The following ZFYVE9 variants were observed in gnomAD, a reference collection of about 807,000 sequenced individuals.
ZFYVE9 encodes zinc finger FYVE-type containing 9.
A neutral mutation model predicts 126.7 loss-of-function variants in ZFYVE9; 43 were observed. That is an observed-to-expected ratio of 0.34 (90% CI 0.27 to 0.44). The LOEUF (loss-of-function observed/expected upper bound fraction) is 0.44. ZFYVE9 is among the 20% of genes least tolerant of loss of function. ZFYVE9 has a pLI of 1.00. For synonymous variants in ZFYVE9, 521 were observed against 597.4 expected, an observed-to-expected ratio of 0.87 and a Z score of 1.87; for missense variants, 1,476 against 1,697.0, an observed-to-expected ratio of 0.87 and a Z score of 2.29.
chr1:52,184,978 T>TCTATG (rs1644751595), intron 1 of ZFYVE9, among the ~76,000 whole-genome samples: 1 of 152,192 alleles, frequency 6.6e-6, no homozygotes, highest in African/African-American at 2.4e-5. Flanking sequence ...GCATACTGAG[T>TCTATG]CTCTATCTCT....
At chr1:52,246,285 G>C (rs1645382899) in intron 4 of ZFYVE9, among the ~76,000 whole-genome samples, 1 of 152,060 alleles carries the variant, frequency 6.6e-6, no homozygotes, top group South Asian at 2.1e-4. Flanking sequence ...AAAGAAAGAT[G>C]AAAAATATCT....
chr1:52,194,492 T>TA (rs1295883453), intron 1 of ZFYVE9, among the ~76,000 whole-genome samples: 1 of 152,150 alleles, frequency 6.6e-6, no homozygotes, highest in Non-Finnish European at 1.5e-5. Context: ...AAGATATAAA[T>TA]AGATGTTTAG....
intron 4 of ZFYVE9, among the ~76,000 whole-genome samples, chr1:52,240,027 C>T (rs1437216576): frequency 6.6e-6 from 1 of 152,154 alleles, no homozygotes; most frequent in Non-Finnish European, 1.5e-5. Flanking sequence ...AAATATTACA[C>T]ATAGAATCCA....
At position 52,346,414 on chromosome 1, in the gene ZFYVE9, T is replaced by C; in HGVS notation, c.*193T>C. 3.5e-6 allele frequency: 2 copies of C among 573,446 alleles called. No homozygotes were observed. Among genetic ancestry groups the C allele is most frequent in the South Asian group, 7.0e-5 (2 of 28,494 alleles). 35.5% of individuals were successfully genotyped at this position (573,446 alleles called of 1,614,324 possible). On this transcript the variant is annotated 3_prime_UTR_variant, in exon 19 of 19. Coordinates refer to ENST00000287727, the MANE Select transcript of ZFYVE9 (RefSeq NM_004799.4). The stretch of plus-strand genomic sequence containing the variant: ...GGGACCGATGTTCCATAATTCTAAG[T>C]CTTCTATGCATTGTCCACCAAGAAG...
intron 2 of ZFYVE9, among the ~76,000 whole-genome samples, chr1:52,229,868 C>CTT (rs869107075): frequency 1.0e-4 from 14 of 140,654 alleles, no homozygotes; most frequent in South Asian, 2.3e-4. Context: ...CTCACAGACA[C>CTT]TTTTTTTTTT....
intron 13 of ZFYVE9, among the ~76,000 whole-genome samples, chr1:52,329,177 C>T (rs533268155): frequency 1.6e-3 from 244 of 152,222 alleles, no homozygotes; most frequent in African/African-American, 5.7e-3. Context: ...TTTCAATGGC[C>T]TTTTTGCAGC....
intron 13 of ZFYVE9, among the ~76,000 whole-genome samples, chr1:52,329,479 AAAAT>A (rs1048489002): frequency 9.2e-5 from 14 of 152,246 alleles, no homozygotes; most frequent in Non-Finnish European, 4.4e-5. Flanking sequence ...CAAAAGAAAA[AAAAT>A]AGATGAATTG....
chr1:52,170,736 A>G lies in ZFYVE9; in HGVS notation c.-143+28333A>G, dbSNP rs544278576. On this transcript the variant is annotated intron_variant, in intron 1 of 18. Transcript: ENST00000287727. ...TTCCTTACTGGCCATTCAGGAGTATATTGTTTAATTTCCATGTGTTTGTAT... is the reference window on the plus strand; with the variant it reads ...TTCCTTACTGGCCATTCAGGAGTATGTTGTTTAATTTCCATGTGTTTGTAT... Among the ~76,000 whole-genome samples, 3 of 152,192 alleles carry G rather than the reference A, an allele frequency of 2.0e-5. No individual in the cohort carries two copies. In the South Asian group the frequency reaches 6.2e-4, roughly 32 times the overall value.
intron 1 of ZFYVE9, among the ~76,000 whole-genome samples, chr1:52,154,596 C>A (rs1042148372): frequency 5.3e-5 from 8 of 152,188 alleles, no homozygotes; most frequent in African/African-American, 1.9e-4. Flanking sequence ...TTTCCACCCA[C>A]TCCCATATAT....
chr1:52,332,964 T>A (rs1300447831), intron 14 of ZFYVE9, 46 bp downstream of exon 14: 1 of 1,611,184 alleles, frequency 6.2e-7, no homozygotes, highest in Non-Finnish European at 8.5e-7. Flanking sequence ...AAAATTATAC[T>A]GGACTTGGAC....
In ZFYVE9 at chr1:52,238,702, G is replaced by A. The variant is rs753300265; in HGVS notation, c.1285G>A (p.Glu429Lys). 6.2e-7 allele frequency: 1 copy of A among 1,614,122 alleles called. No homozygotes were observed. The highest frequency in any genetic ancestry group is 1.1e-5 in the South Asian group (1 of 91,066). Residue 429 changes from glutamate (E) to lysine (K), a missense_variant, in exon 4 of 19, where the codon GAG (glutamate) becomes AAG (lysine). Around this residue, in one of 2 missense-constraint regions of ZFYVE9, gnomAD observed 807 missense variants for 794.6 expected, o/e 1.02. Coordinates refer to ENST00000287727, the MANE Select transcript of ZFYVE9 (RefSeq NM_004799.4). ...AAAGTTTCTACAGATTAGTCAGCCT[G>A]AGGACACTAATGGTGATAGTGGAGG... ...KEKFLQISQP[E>K]DTNGDSGGQC...
chr1:52,217,606 C>T (rs551019362), intron 2 of ZFYVE9, among the ~76,000 whole-genome samples: 17 of 152,224 alleles, frequency 1.1e-4, no homozygotes, highest in African/African-American at 3.1e-4. Flanking sequence ...ATACAGCAAC[C>T]GACAAGGATG....
chr1:52,154,754 G>A (rs1012212354), intron 1 of ZFYVE9, among the ~76,000 whole-genome samples: 3 of 152,004 alleles, frequency 2.0e-5, no homozygotes, highest in Non-Finnish European at 2.9e-5. Flanking sequence ...TCATAACCAG[G>A]TGCACGACTC....
At chr1:52,296,413 T>C (rs1409632859) in intron 12 of ZFYVE9, among the ~76,000 whole-genome samples, 1 of 152,022 alleles carries the variant, frequency 6.6e-6, no homozygotes, top group Non-Finnish European at 1.5e-5. Flanking sequence ...TGGTCAGAGA[T>C]TGTACCCAGA....
In ZFYVE9 at chr1:52,143,483, G is replaced by A. The variant is rs1176186159; in HGVS notation, c.-143+1080G>A. Among the ~76,000 whole-genome samples, 3 of 152,228 alleles carry A rather than the reference G, an allele frequency of 2.0e-5. No individual in the cohort carries two copies. The East Asian group carries it at 5.8e-4, about 29-fold the overall frequency. ...AACTTTTATAATCATGAAAAAATAT[G>A]CTTATTGTAGAAAACTTGGGAATTA... is the stretch of plus-strand genomic sequence containing the variant. On this transcript the variant is annotated intron_variant, in intron 1 of 18. Coordinates refer to ENST00000287727, the MANE Select transcript of ZFYVE9 (RefSeq NM_004799.4).
At chr1:52,295,626 G>A (rs1393399095) in intron 11 of ZFYVE9, among the ~76,000 whole-genome samples, 1 of 152,054 alleles carries the variant, frequency 6.6e-6, no homozygotes, top group Admixed American at 6.6e-5. Context: ...GCCTCCCAAA[G>A]TGCTGGGATT....
At chr1:52,297,805 C>A (rs1645992994) in intron 12 of ZFYVE9, among the ~76,000 whole-genome samples, 1 of 152,122 alleles carries the variant, frequency 6.6e-6, no homozygotes, top group East Asian at 1.9e-4. Flanking sequence ...TCACTGCAAC[C>A]TCCATCTCCT....
intron 1 of ZFYVE9, among the ~76,000 whole-genome samples, chr1:52,205,206 C>T (rs1170611820): frequency 6.6e-6 from 1 of 151,458 alleles, no homozygotes. Flanking sequence ...CCCCAAGTAG[C>T]TGCGACTACA....
At chr1:52,254,281 C>G (rs1645481204) in intron 4 of ZFYVE9, 1 of 180,684 alleles carries the variant, frequency 5.5e-6, no homozygotes, top group South Asian at 1.7e-4. Flanking sequence ...CAGTTATTTG[C>G]AACTTTATAT....
Sources: gnomAD v4.1 joint callset for allele counts (sites outside exome capture counted in the v4.1 genomes callset) on GRCh38, gnomAD v4.1.1 for gene constraint, gnomAD v4.1.1 regional missense constraint, MANE v1.5 for transcripts, NCBI Gene and HGNC (gene_info 2026-07-23, HGNC 2026-07-21) for gene names.